GPHN: variants seen among roughly 807,000 people sequenced by gnomAD.
GPHN encodes gephyrin.
GPHN carries 17 observed loss-of-function variants against 95.5 expected under a neutral mutation model. That is an observed-to-expected ratio of 0.18 (90% CI 0.12 to 0.27). GPHN has a LOEUF of 0.27. Among genes scored for constraint, GPHN ranks in the 10% least tolerant of loss-of-function variants. The pLI is 1.00. For synonymous variants in GPHN, 320 were observed against 322.5 expected, an observed-to-expected ratio of 0.99 and a Z score of 0.08; for missense variants, 660 against 978.1, an observed-to-expected ratio of 0.67 and a Z score of 4.34.
At chr14:67,212,521 G>T in the GPHN span, among the ~76,000 whole-genome samples, 24 of 149,742 alleles carry the variant, frequency 1.6e-4, no homozygotes, top group Non-Finnish European at 2.7e-4. Flanking sequence ...ATCCTGGGGG[G>T]TTGAGGCTGC....
chr14:66,804,409 A>G (rs2060468789), intron 3 of GPHN, among the ~76,000 whole-genome samples: 1 of 152,216 alleles, frequency 6.6e-6, no homozygotes, highest in Non-Finnish European at 1.5e-5. Context: ...TTTGTTTTTC[A>G]ATTATTATGA....
At chr14:66,629,289 A>G (rs2063692710) in intron 1 of GPHN, among the ~76,000 whole-genome samples, 1 of 149,672 alleles carries the variant, frequency 6.7e-6, no homozygotes, top group Non-Finnish European at 1.5e-5. Context: ...TTTCTTTTCT[A>G]TTTTATCCTT....
the GPHN span, among the ~76,000 whole-genome samples, chr14:67,256,184 GAT>G: frequency 1.3e-5 from 2 of 152,138 alleles, no homozygotes; most frequent in Admixed American, 1.3e-4. Flanking sequence ...ATTTTTCAGA[GAT>G]ATTAGTTGAA....
At chr14:66,508,682 C>T (rs1358588253) in intron 1 of GPHN, 91 bp downstream of exon 1, 11 of 1,151,856 alleles carry the variant, frequency 9.5e-6, no homozygotes, top group East Asian at 9.4e-5. Context: ...TCTGCGGCCT[C>T]GGGAGGAGGG....
At chr14:67,184,383 G>A (rs1240101491), downstream of GPHN, among the ~76,000 whole-genome samples, 1 of 152,140 alleles carries the variant, frequency 6.6e-6, no homozygotes, top group African/African-American at 2.4e-5. Flanking sequence ...AGATAAACTA[G>A]AATGGAAAGA....
intron 4 of GPHN, among the ~76,000 whole-genome samples, chr14:66,859,898 T>C (rs1180762125): frequency 1.3e-5 from 2 of 151,970 alleles, no homozygotes; most frequent in Non-Finnish European, 2.9e-5. Flanking sequence ...ATTAGTGAGC[T>C]TGAAGAAAGA....
chr14:67,561,431 G>T, the GPHN span, among the ~76,000 whole-genome samples: 1 of 152,172 alleles, frequency 6.6e-6, no homozygotes, highest in Non-Finnish European at 1.5e-5. Flanking sequence ...TGCACCTGTA[G>T]TCCCAGCTAC....
At chr14:66,522,072 G>C (rs989203766) in intron 1 of GPHN, among the ~76,000 whole-genome samples, 13 of 152,096 alleles carry the variant, frequency 8.5e-5, no homozygotes, top group Non-Finnish European at 1.9e-4. Flanking sequence ...AAGTTAGGGT[G>C]TGGCAATCAA....
At chr14:67,557,671 A>G in the GPHN span, among the ~76,000 whole-genome samples, 1 of 152,250 alleles carries the variant, frequency 6.6e-6, no homozygotes, top group African/African-American at 2.4e-5. Flanking sequence ...GCCCACCTCT[A>G]GCACCTGCTG....
chr14:67,590,058 C>G, the GPHN span: 1 of 1,544,184 alleles, frequency 6.5e-7, no homozygotes, highest in African/African-American at 1.4e-5. Context: ...GAAGACAATG[C>G]TGGCCTTCTG....
the GPHN span, among the ~76,000 whole-genome samples, chr14:67,193,514 T>C: frequency 6.9e-6 from 1 of 144,474 alleles, no homozygotes. Context: ...TCCATATATA[T>C]ATATCTAGAT....
intron 16 of GPHN, among the ~76,000 whole-genome samples, chr14:67,118,356 T>C (rs571104082): frequency 6.6e-6 from 1 of 152,246 alleles, no homozygotes; most frequent in Admixed American, 6.5e-5. Flanking sequence ...AAACTAATGA[T>C]AGATTAAAGG....
chr14:67,011,612 T>G (rs975994214), intron 9 of GPHN, among the ~76,000 whole-genome samples: 18 of 150,332 alleles, frequency 1.2e-4, no homozygotes, highest in Non-Finnish European at 2.1e-4. Flanking sequence ...AAAATTAGGA[T>G]TGTGTTCTTT....
the GPHN span, chr14:67,336,848 C>T: frequency 2.3e-6 from 1 of 441,434 alleles, no homozygotes; most frequent in South Asian, 1.6e-5. Flanking sequence ...AGATTTTATT[C>T]TGTGAGCAGC....
At chr14:66,868,792 A>G (rs1480808926) in intron 4 of GPHN, among the ~76,000 whole-genome samples, 2 of 152,164 alleles carry the variant, frequency 1.3e-5, no homozygotes, top group African/African-American at 2.4e-5. Flanking sequence ...TTCATCAACA[A>G]GATACCTGAA....
intron 3 of GPHN, among the ~76,000 whole-genome samples, chr14:66,782,860 A>AAAAG (rs749688567): frequency 6.6e-6 from 1 of 152,028 alleles, no homozygotes; most frequent in Non-Finnish European, 1.5e-5. Flanking sequence ...CAAAAAAACC[A>AAAAG]AAAGAAAGAA....
the GPHN span, chr14:67,620,904 G>A: frequency 4.3e-6 from 7 of 1,614,028 alleles, no homozygotes; most frequent in East Asian, 1.6e-4. Flanking sequence ...AAAAGAAAAG[G>A]AGTGGAGCAT....
rs527798016 is a variant in GPHN, at chr14:67,054,598, CTACTT to C, written c.1007-4048_1007-4044del. ...CATTTTTCACAGAATTAGAAAAAAA[CTACTT>C]TAAAGTTCATATGGAACCAAAAAAG... On this transcript the variant is annotated intron_variant, in intron 10 of 22. Coordinates refer to ENST00000478722, the MANE Select transcript of GPHN (RefSeq NM_020806.5). 5.9e-5 allele frequency among the ~76,000 whole-genome samples: 9 copies of C among 152,254 alleles called. No individual in the cohort carries two copies. In the South Asian group the frequency reaches 1.2e-3, roughly 21 times the overall value.
the GPHN span, chr14:67,392,861 C>A: frequency 1.3e-6 from 2 of 1,599,084 alleles, no homozygotes; most frequent in African/African-American, 1.3e-5. Flanking sequence ...TGGCCAAGGG[C>A]AGCACCAGTC....
Sources: gnomAD v4.1 joint callset for allele counts (sites outside exome capture counted in the v4.1 genomes callset) on GRCh38, gnomAD v4.1.1 for gene constraint, MANE v1.5 for transcripts, NCBI Gene and HGNC (gene_info 2026-07-23, HGNC 2026-07-21) for gene names.